CPED1: variants seen among roughly 807,000 people sequenced by gnomAD.
CPED1 encodes cadherin-like and PC-esterase domain-containing protein 1.
A neutral mutation model predicts 128.2 loss-of-function variants in CPED1; 114 were observed. The observed-to-expected ratio is 0.89, with a 90% CI of 0.76 to 1.04. The LOEUF (loss-of-function observed/expected upper bound fraction) is 1.04. CPED1 is among the 50% of genes least tolerant of loss of function. CPED1 has a pLI of 0.00. For synonymous variants in CPED1, 462 were observed against 426.7 expected (o/e 1.08, Z -1.02); for missense variants, 1,211 against 1,207.1 (o/e 1.00, Z -0.05).
At chr7:121,141,932 C>T (rs772359413) in intron 15 of CPED1, 41 bp from the exon 16 acceptor site, 2 of 1,536,212 alleles carry the variant, frequency 1.3e-6, no homozygotes, top group South Asian at 1.2e-5. Flanking sequence ...AATAAATCTC[C>T]CCTATTCATA....
intron 5 of CPED1, among the ~76,000 whole-genome samples, chr7:121,069,900 G>C (rs1220508261): frequency 6.6e-6 from 1 of 151,934 alleles, no homozygotes; most frequent in East Asian, 1.9e-4. Flanking sequence ...CTGGTTAAAA[G>C]TTTGCCCAAT....
chr7:120,990,215 T>G (rs2721361), intron 2 of CPED1, among the ~76,000 whole-genome samples: 33,203 of 152,040 alleles, frequency 0.22, 3,882 homozygotes, highest in African/African-American at 0.26. Context: ...TAAATCAAAG[T>G]TTCAAAAACT....
At chr7:121,261,932 G>T (rs774479508) in intron 18 of CPED1, 1 of 487,786 alleles carries the variant, frequency 2.1e-6, no homozygotes, top group South Asian at 2.3e-5. Context: ...ATATAGTTTG[G>T]ATGTTTGTTT....
At chr7:121,208,693 C>T (rs907055102) in intron 16 of CPED1, among the ~76,000 whole-genome samples, 2 of 151,980 alleles carry the variant, frequency 1.3e-5, no homozygotes, top group South Asian at 2.1e-4. Flanking sequence ...CTCTTGTCAT[C>T]GTGCCACCCT....
intron 17 of CPED1, 55 bp from the exon 18 acceptor site, chr7:121,244,147 T>G: frequency 1.2e-6 from 2 of 1,610,366 alleles, no homozygotes; most frequent in Admixed American, 3.3e-5. Context: ...TTAAAGTTAC[T>G]TACAAACTTC....
At chr7:121,261,963 A>T (rs543842633) in intron 18 of CPED1, 28 of 421,148 alleles carry the variant, frequency 6.6e-5, no homozygotes, top group African/African-American at 4.6e-4. Context: ...TCATGTTGAA[A>T]TGTGATCCCC....
At position 121,236,368 on chromosome 7, in the gene CPED1, C is replaced by T. The variant is rs187235510; in HGVS notation, c.2056-346C>T. Reference sequence around the variant, plus strand: ...AAATTAAATTCTCTCCAAATAGTTCCCATTTCCCTTCTCACATGAACCGTC... The same window carrying T: ...AAATTAAATTCTCTCCAAATAGTTCTCATTTCCCTTCTCACATGAACCGTC... On this transcript the variant is annotated intron_variant, in intron 16 of 22. Transcript: ENST00000310396. 1.5e-4 allele frequency among the ~76,000 whole-genome samples: 23 copies of T among 152,152 alleles called. 1 individual carries two copies. Among genetic ancestry groups the T allele is most frequent in the Admixed American group, 1.4e-3 (21 of 15,270 alleles).
chr7:121,171,061 TAAA>T (rs58392760), intron 16 of CPED1, among the ~76,000 whole-genome samples: 1 of 148,404 alleles, frequency 6.7e-6, no homozygotes, highest in Middle Eastern at 3.5e-3. Flanking sequence ...AATAAATACA[TAAA>T]AAAAAAAATA....
At chr7:121,243,124 T>G (rs890922715) in intron 17 of CPED1, among the ~76,000 whole-genome samples, 1 of 152,144 alleles carries the variant, frequency 6.6e-6, no homozygotes, top group African/African-American at 2.4e-5. Context: ...CCTTTCTAAC[T>G]CAAGAACTAT....
At chr7:121,162,535 G>GA (rs775818110) in intron 16 of CPED1, among the ~76,000 whole-genome samples, 2 of 152,048 alleles carry the variant, frequency 1.3e-5, no homozygotes, top group South Asian at 2.1e-4. Flanking sequence ...GAAGAGAAGG[G>GA]ATACAATGAC....
chr7:121,082,826 TAAGAA>T (rs1794326710), intron 5 of CPED1, among the ~76,000 whole-genome samples: 1 of 152,108 alleles, frequency 6.6e-6, no homozygotes, highest in South Asian at 2.1e-4. Flanking sequence ...AATAAGAAAA[TAAGAA>T]AGGAGCTATT....
intron 16 of CPED1, among the ~76,000 whole-genome samples, chr7:121,179,519 A>G (rs571631657): frequency 2.4e-4 from 36 of 152,266 alleles, no homozygotes; most frequent in African/African-American, 6.7e-4. Context: ...TTTCTGGCAT[A>G]TTCTTCTAAG....
chr7:121,240,051 A>T (rs1481925880), intron 17 of CPED1, among the ~76,000 whole-genome samples: 1 of 152,206 alleles, frequency 6.6e-6, no homozygotes, highest in Admixed American at 6.5e-5. Flanking sequence ...TATTTAACTC[A>T]CAATAAATAA....
At chr7:121,230,877 G>T (rs1798120833) in intron 16 of CPED1, among the ~76,000 whole-genome samples, 1 of 152,038 alleles carries the variant, frequency 6.6e-6, no homozygotes. Context: ...GGAAAAGCAA[G>T]ATCAGAGTGG....
chr7:121,282,560 A>T (rs76576174), intron 22 of CPED1, among the ~76,000 whole-genome samples: 1 of 152,224 alleles, frequency 6.6e-6, no homozygotes, highest in African/African-American at 2.4e-5. Context: ...TTTAGAGCCT[A>T]TAAGAGTAAG....
At chr7:121,042,508 A>G (rs1441324569) in intron 3 of CPED1, among the ~76,000 whole-genome samples, 1 of 152,182 alleles carries the variant, frequency 6.6e-6, no homozygotes, top group Admixed American at 6.5e-5. Flanking sequence ...ATATTACATA[A>G]ATTAATACAT....
intron 5 of CPED1, among the ~76,000 whole-genome samples, chr7:121,080,857 A>C (rs142674102): frequency 2.8e-4 from 42 of 152,280 alleles, no homozygotes; most frequent in South Asian, 1.0e-3. Flanking sequence ...GATATTGAGC[A>C]ACAAGAAACT....
intron 2 of CPED1, among the ~76,000 whole-genome samples, chr7:121,012,082 G>C (rs1792174453): frequency 6.6e-6 from 1 of 151,742 alleles, no homozygotes; most frequent in Non-Finnish European, 1.5e-5. Flanking sequence ...TAGCTCAGTA[G>C]ATGAAGCAAG....
intron 18 of CPED1, among the ~76,000 whole-genome samples, chr7:121,245,793 C>T (rs570405100): frequency 2.0e-4 from 30 of 151,492 alleles, no homozygotes; most frequent in South Asian, 1.3e-3. Context: ...TAGGTTCAAG[C>T]GCGTCTCCTG....
Sources: gnomAD v4.1 joint callset for allele counts (sites outside exome capture counted in the v4.1 genomes callset) on GRCh38, gnomAD v4.1.1 for gene constraint, MANE v1.5 for transcripts, NCBI Gene and HGNC (gene_info 2026-07-23, HGNC 2026-07-21) for gene names.